Variants in NCAM2 observed in about 807,000 individuals in gnomAD.
The protein encoded by NCAM2 is N-CAM-2.
Under a neutral mutation model 98.1 loss-of-function variants are expected in NCAM2, and 30 were observed. That is an observed-to-expected ratio of 0.31 (90% confidence interval 0.23 to 0.41). The LOEUF (loss-of-function observed/expected upper bound fraction) is 0.41. Ranked by LOEUF, NCAM2 falls within the 10% of genes least tolerant of loss-of-function variation. The pLI is 1.00. For missense variants in NCAM2, 867 were observed against 1,005.8 expected (o/e 0.86, Z 1.87); for synonymous variants, 368 against 342.4 (o/e 1.07, Z -0.83).
intron 1 of NCAM2, among the ~76,000 whole-genome samples, chr21:21,034,046 A>C (rs1244959362): frequency 7.0e-6 from 1 of 142,594 alleles, no homozygotes; most frequent in Admixed American, 7.2e-5. Context: ...GATAAGAGAT[A>C]GGCAAAGGGG....
chr21:21,530,216 T>A (rs1485415252), intron 16 of NCAM2, among the ~76,000 whole-genome samples: 2 of 94,824 alleles, frequency 2.1e-5, no homozygotes, highest in Non-Finnish European at 4.8e-5. Flanking sequence ...TAATTTAATT[T>A]AATTTAATTA....
At chr21:21,382,179 G>C (rs1471674147) in intron 9 of NCAM2, among the ~76,000 whole-genome samples, 1 of 151,920 alleles carries the variant, frequency 6.6e-6, no homozygotes, top group Non-Finnish European at 1.5e-5. Context: ...TGTTTTCTTT[G>C]AATTTTCTTA....
intron 6 of NCAM2, among the ~76,000 whole-genome samples, chr21:21,332,452 A>G (rs1407162799): frequency 6.6e-6 from 1 of 152,044 alleles, no homozygotes; most frequent in Non-Finnish European, 1.5e-5. Flanking sequence ...GTTTTAGGAT[A>G]TCTTTTTACT....
chr21:21,141,150 C>T (rs780172095), intron 1 of NCAM2, among the ~76,000 whole-genome samples: 2 of 152,104 alleles, frequency 1.3e-5, no homozygotes, highest in African/African-American at 2.4e-5. Context: ...AATTTCAAAA[C>T]GTATAACACT....
chr21:21,080,764 G>T (rs937717801), intron 1 of NCAM2, among the ~76,000 whole-genome samples: 1 of 150,256 alleles, frequency 6.7e-6, no homozygotes, highest in Non-Finnish European at 1.5e-5. Flanking sequence ...GTGACTATCC[G>T]TGAGCTCCTG....
chr21:21,459,369 C>T (rs1337990012), intron 12 of NCAM2, among the ~76,000 whole-genome samples: 1 of 151,080 alleles, frequency 6.6e-6, no homozygotes, highest in Non-Finnish European at 1.5e-5. Flanking sequence ...GATTTGGAAA[C>T]AACCTTAATG....
chr21:21,039,019 A>G (rs1414838726), intron 1 of NCAM2, among the ~76,000 whole-genome samples: 2 of 152,152 alleles, frequency 1.3e-5, no homozygotes, highest in African/African-American at 4.8e-5. Context: ...AAACTATAAG[A>G]TTTGTTTATT....
At chr21:21,074,179 T>G (rs2065630301) in intron 1 of NCAM2, among the ~76,000 whole-genome samples, 1 of 152,134 alleles carries the variant, frequency 6.6e-6, no homozygotes, top group Admixed American at 6.5e-5. Flanking sequence ...GCTATATTTC[T>G]GTCCGTCATA....
intron 8 of NCAM2, among the ~76,000 whole-genome samples, chr21:21,357,612 G>A (rs1286152586): frequency 6.6e-6 from 1 of 152,094 alleles, no homozygotes; most frequent in Non-Finnish European, 1.5e-5. Flanking sequence ...TTGAAAGACA[G>A]TATGTAAGTC....
At chr21:21,044,213 A>T (rs974851675) in intron 1 of NCAM2, among the ~76,000 whole-genome samples, 3 of 152,220 alleles carry the variant, frequency 2.0e-5, no homozygotes, top group Non-Finnish European at 4.4e-5. Flanking sequence ...TTTGTGTTCA[A>T]AGGAGTTGAT....
At chr21:21,237,068 T>C (rs2070861174) in intron 1 of NCAM2, among the ~76,000 whole-genome samples, 2 of 152,158 alleles carry the variant, frequency 1.3e-5, no homozygotes, top group Admixed American at 1.3e-4. Flanking sequence ...TTCTCTGCTT[T>C]TCAGATCATT....
chr21:21,407,123 C>T (rs371222623), intron 9 of NCAM2, among the ~76,000 whole-genome samples: 1 of 152,112 alleles, frequency 6.6e-6, no homozygotes, highest in African/African-American at 2.4e-5. Context: ...ATTCTTCAGC[C>T]ACTTCAGATG....
At chr21:21,341,411 C>T (rs2075031485) in intron 8 of NCAM2, among the ~76,000 whole-genome samples, 1 of 152,114 alleles carries the variant, frequency 6.6e-6, no homozygotes. Flanking sequence ...TGGGAAACAA[C>T]TTCAAGTAAG....
chr21:21,528,251 T>G (rs533212009), intron 16 of NCAM2, among the ~76,000 whole-genome samples: 1 of 152,212 alleles, frequency 6.6e-6, no homozygotes, highest in Non-Finnish European at 1.5e-5. Flanking sequence ...AAAACTATTC[T>G]GTATGATAAA....
At chr21:21,217,444 CTTAA>C (rs1340120560) in intron 1 of NCAM2, among the ~76,000 whole-genome samples, 1 of 152,004 alleles carries the variant, frequency 6.6e-6, no homozygotes, top group Non-Finnish European at 1.5e-5. Context: ...CTCAGATTTA[CTTAA>C]TTATGTCTCT....
intron 1 of NCAM2, among the ~76,000 whole-genome samples, chr21:21,246,092 C>T (rs753647881): frequency 3.3e-5 from 5 of 152,138 alleles, no homozygotes; most frequent in Non-Finnish European, 7.3e-5. Context: ...ATAAAAGGTA[C>T]TGAGCCTTTT....
At chr21:21,402,802 A>G (rs907939657) in intron 9 of NCAM2, among the ~76,000 whole-genome samples, 1 of 152,146 alleles carries the variant, frequency 6.6e-6, no homozygotes, top group Non-Finnish European at 1.5e-5. Context: ...GGAAAATATA[A>G]AGAACCTACA....
chr21:21,259,292 A>G (rs2071799710), intron 1 of NCAM2, among the ~76,000 whole-genome samples: 1 of 152,180 alleles, frequency 6.6e-6, no homozygotes, highest in African/African-American at 2.4e-5. Flanking sequence ...GGTGGTAGCC[A>G]CCAGAGGGGC....
intron 12 of NCAM2, among the ~76,000 whole-genome samples, chr21:21,459,258 T>G (rs2146182260): frequency 6.6e-6 from 1 of 151,774 alleles, no homozygotes; most frequent in South Asian, 2.1e-4. Context: ...TTAGGGAAAA[T>G]AGTATGACAT....
Sources: allele counts gnomAD v4.1 joint callset (sites outside exome capture counted in the v4.1 genomes callset), GRCh38; gene constraint gnomAD v4.1.1; transcripts MANE v1.5; gene names NCBI Gene and HGNC (gene_info 2026-07-23, HGNC 2026-07-21).